BRINP3: variants seen among roughly 807,000 people sequenced by gnomAD.
BRINP3 encodes the protein BMP/retinoic acid inducible neural specific 3.
Under a neutral mutation model 71.0 loss-of-function variants are expected in BRINP3, and 19 were observed. That is an observed-to-expected ratio of 0.27 (90% CI 0.19 to 0.39). The LOEUF is 0.39. Ranked by LOEUF, BRINP3 falls within the 10% of genes least tolerant of loss-of-function variation. BRINP3 has a pLI of 1.00. For synonymous variants in BRINP3, 380 were observed against 337.7 expected, an observed-to-expected ratio of 1.13 and a Z score of -1.37; for missense variants, 959 against 940.8, an observed-to-expected ratio of 1.02 and a Z score of -0.25.
chr1:190,227,330 T>C (rs1452443277), intron 5 of BRINP3, among the ~76,000 whole-genome samples: 1 of 151,880 alleles, frequency 6.6e-6, no homozygotes, highest in Non-Finnish European at 1.5e-5. Flanking sequence ...ACAAATATGT[T>C]GACAAATTGC....
chr1:190,132,738 T>G (rs1457500646), intron 7 of BRINP3, among the ~76,000 whole-genome samples: 2 of 152,098 alleles, frequency 1.3e-5, no homozygotes, highest in Non-Finnish European at 2.9e-5. Flanking sequence ...CATCAAGAAG[T>G]GGGGCTTAAT....
chr1:190,113,377 T>C (rs1262374391), intron 7 of BRINP3, among the ~76,000 whole-genome samples: 2 of 152,158 alleles, frequency 1.3e-5, no homozygotes, highest in Non-Finnish European at 2.9e-5. Context: ...TTATTATCTT[T>C]ATTTAGAGAG....
chr1:190,147,853 G>C (rs886615531), intron 7 of BRINP3, among the ~76,000 whole-genome samples: 3 of 152,180 alleles, frequency 2.0e-5, no homozygotes, highest in Non-Finnish European at 4.4e-5. Context: ...GGTCCAGAAA[G>C]AGCCGGTGGC....
At chr1:190,119,288 A>T (rs574820679) in intron 7 of BRINP3, among the ~76,000 whole-genome samples, 59 of 151,126 alleles carry the variant, frequency 3.9e-4, no homozygotes, top group Admixed American at 2.2e-3. Context: ...TATTATTATT[A>T]TTATTTTGAG....
intron 2 of BRINP3, among the ~76,000 whole-genome samples, chr1:190,395,994 CAAGG>C (rs147370224): frequency 0.18 from 26,750 of 149,306 alleles, 2,469 homozygotes; most frequent in African/African-American, 0.23. Context: ...AGGAAGGAAG[CAAGG>C]AAGGAAGGAA....
intron 7 of BRINP3, among the ~76,000 whole-genome samples, chr1:190,137,568 G>A (rs993443697): frequency 2.4e-4 from 36 of 152,224 alleles, no homozygotes; most frequent in African/African-American, 8.2e-4. Context: ...AGGAGGATGT[G>A]AGATCATAGA....
At chr1:190,429,803 G>A (rs368256957) in intron 2 of BRINP3, among the ~76,000 whole-genome samples, 2 of 151,816 alleles carry the variant, frequency 1.3e-5, no homozygotes, top group African/African-American at 4.8e-5. Context: ...TGGCCAGACT[G>A]GTCTCGAACT....
chr1:190,181,736 C>A (rs1244474087), intron 6 of BRINP3, among the ~76,000 whole-genome samples: 3 of 151,918 alleles, frequency 2.0e-5, no homozygotes, highest in Non-Finnish European at 4.4e-5. Context: ...TATTGAGGAT[C>A]ATTCTAGACC....
chr1:190,266,484 A>G (rs1661674415), intron 3 of BRINP3, among the ~76,000 whole-genome samples: 2 of 152,198 alleles, frequency 1.3e-5, no homozygotes. Flanking sequence ...AAGAAAAAAC[A>G]TATATCTCAA....
chr1:190,374,102 G>T (rs1209547366), intron 2 of BRINP3, among the ~76,000 whole-genome samples: 1 of 151,886 alleles, frequency 6.6e-6, no homozygotes, highest in Non-Finnish European at 1.5e-5. Flanking sequence ...TTACCTGGAA[G>T]AATTGTTTTA....
chr1:190,273,895 T>C (rs1662330134), intron 3 of BRINP3, among the ~76,000 whole-genome samples: 1 of 151,636 alleles, frequency 6.6e-6, no homozygotes. Context: ...TTGCAACTAC[T>C]TACAACACCA....
At chr1:190,277,123 A>ATATATATATATAT in intron 3 of BRINP3, among the ~76,000 whole-genome samples, 2 of 134,680 alleles carry the variant, frequency 1.5e-5, no homozygotes, top group Non-Finnish European at 3.2e-5. Context: ...ATATATTTAT[A>ATATATATATATAT]TTCAGAAAAG....
At chr1:190,161,930 A>G (rs558340756) in intron 6 of BRINP3, among the ~76,000 whole-genome samples, 1 of 152,240 alleles carries the variant, frequency 6.6e-6, no homozygotes, top group Admixed American at 6.5e-5. Context: ...CGAAATATCA[A>G]TGCTGGGAAA....
chr1:190,220,282 T>TA, intron 6 of BRINP3, among the ~76,000 whole-genome samples: 1 of 152,210 alleles, frequency 6.6e-6, no homozygotes, highest in South Asian at 2.1e-4. Context: ...CTCAGCTAAC[T>TA]ATCGTAAGAT....
At position 190,320,015 on chromosome 1, in the gene BRINP3, C is replaced by T. The variant is rs144582763; in HGVS notation, c.237-38265G>A. Among the ~76,000 whole-genome samples the T allele has an allele frequency of 6.6e-3, 1,003 of 150,830 alleles. 4 individuals are homozygous for T. Among genetic ancestry groups the T allele is most frequent in the African/African-American group, 0.022 (888 of 41,160 alleles). ...TTTAAATTTTGATCTTTGTGATATACGTGTGTGTGTGTGTGTAAATGTATG... is the reference window on the plus strand; with the variant it reads ...TTTAAATTTTGATCTTTGTGATATATGTGTGTGTGTGTGTGTAAATGTATG... On this transcript the variant is annotated intron_variant, in intron 2 of 7. Coordinates refer to ENST00000367462, the MANE Select transcript of BRINP3 (RefSeq NM_199051.3).
chr1:190,148,947 C>A (rs1189562831), intron 7 of BRINP3, among the ~76,000 whole-genome samples: 4 of 152,102 alleles, frequency 2.6e-5, no homozygotes, highest in African/African-American at 9.7e-5. Flanking sequence ...AAAAACTCGA[C>A]GACCTCTATA....
intron 2 of BRINP3, among the ~76,000 whole-genome samples, chr1:190,347,914 AAAG>A (rs537585800): frequency 1.5e-3 from 230 of 152,284 alleles, no homozygotes; most frequent in African/African-American, 5.1e-3. Flanking sequence ...ATCACAAAGT[AAAG>A]AATAAGGTTA....
chr1:190,122,855 G>A (rs1021610784), intron 7 of BRINP3, among the ~76,000 whole-genome samples: 25 of 152,076 alleles, frequency 1.6e-4, no homozygotes, highest in Non-Finnish European at 3.4e-4. Context: ...ACAGAAATAG[G>A]TATAGATATA....
At chr1:190,303,637 T>A (rs1428595756) in intron 2 of BRINP3, among the ~76,000 whole-genome samples, 1 of 151,808 alleles carries the variant, frequency 6.6e-6, no homozygotes, top group African/African-American at 2.4e-5. Context: ...ATTTTATAAA[T>A]TAAGTATGAG....
Sources: gnomAD v4.1 joint callset for allele counts (sites outside exome capture counted in the v4.1 genomes callset) on GRCh38, gnomAD v4.1.1 for gene constraint, MANE v1.5 for transcripts, NCBI Gene and HGNC (gene_info 2026-07-23, HGNC 2026-07-21) for gene names.